Variants in SLC34A2 observed in about 807,000 individuals in gnomAD.
SLC34A2 encodes the protein solute carrier family 34 member 2, also known as sodium-dependent phosphate transport protein 2B.
In SLC34A2, 41 loss-of-function variants were observed where a neutral mutation model predicts 50.8. The observed-to-expected ratio is 0.81, with a 90% CI of 0.63 to 1.05. The LOEUF is 1.05. SLC34A2 is among the 50% of genes least tolerant of loss of function. The pLI is 0.00. For synonymous variants in SLC34A2, 401 were observed against 364.2 expected, an observed-to-expected ratio of 1.10 and a Z score of -1.15; for missense variants, 879 against 876.7, an observed-to-expected ratio of 1.00 and a Z score of -0.03.
intron 12 of SLC34A2, among the ~76,000 whole-genome samples, chr4:25,675,205 G>A (rs1715049457): frequency 6.6e-6 from 1 of 152,052 alleles, no homozygotes. Context: ...CTGATTTTTT[G>A]TATTTTTAGT....
intron 12 of SLC34A2, among the ~76,000 whole-genome samples, chr4:25,675,819 A>T (rs1348773458): frequency 6.6e-6 from 1 of 152,142 alleles, no homozygotes; most frequent in Non-Finnish European, 1.5e-5. Flanking sequence ...GTGAATTTCC[A>T]CCTCTTCCAT....
In SLC34A2 at chr4:25,673,221, G is replaced by A. The variant is rs1176382844; in HGVS notation, c.1183G>A (p.Val395Ile). The change falls in exon 10 of 13, where the codon GTC becomes ATC. Residue 395 changes from valine to isoleucine, a missense_variant. By Grantham distance (29) the Val-to-Ile change is conservative (BLOSUM62 3). Coordinates refer to ENST00000382051, the MANE Select transcript of SLC34A2 (RefSeq NM_006424.3). The stretch of plus-strand genomic sequence containing the variant: ...CCTGGGCTCTGTGCTCAAGGGGCAG[G>A]TCGCCACTGTCATCAAGAAGACCAT... ...KILGSVLKGQVATVIKKTINT... is the reference protein window; with the variant it reads ...KILGSVLKGQIATVIKKTINT... The A allele has an allele frequency of 1.2e-6, 2 of 1,613,980 alleles. No homozygotes were observed. Among genetic ancestry groups the A allele is most frequent in the South Asian group, 2.2e-5 (2 of 91,070 alleles).
intron 1 of SLC34A2, among the ~76,000 whole-genome samples, chr4:25,657,855 A>G (rs1226333046): frequency 6.6e-6 from 1 of 152,198 alleles, no homozygotes; most frequent in African/African-American, 2.4e-5. Flanking sequence ...GGCCTCCCAA[A>G]GTGCTGGGAT....
At chr4:25,674,174 T>C in intron 10 of SLC34A2, 122 bp from the exon 11 acceptor site, 1 of 742,100 alleles carries the variant, frequency 1.3e-6, no homozygotes, top group Non-Finnish European at 2.4e-6. Flanking sequence ...AACTCTACTC[T>C]GTAATCTGAG....
intron 12 of SLC34A2, among the ~76,000 whole-genome samples, chr4:25,675,815 T>C (rs1436829502): frequency 6.6e-6 from 1 of 152,192 alleles, no homozygotes; most frequent in Non-Finnish European, 1.5e-5. Flanking sequence ...GGATGTGAAT[T>C]TCCACCTCTT....
Position 25,662,859 on chromosome 4 carries a change from CT to C in SLC34A2, c.250+18del. On this transcript the variant is annotated intron_variant, in intron 3 of 12. Coordinates refer to ENST00000382051, the MANE Select transcript of SLC34A2 (RefSeq NM_006424.3). ...AGTGGTCAGGTAAAAGTGAGGCCAGCTGAGACATTCAGGAGGGAAACTTCCT... is the reference window on the plus strand; with the variant it reads ...AGTGGTCAGGTAAAAGTGAGGCCAGCGAGACATTCAGGAGGGAAACTTCCT... 1 of 1,613,766 alleles carries C rather than the reference CT, an allele frequency of 6.2e-7. No individual in the cohort carries two copies. The highest frequency in any genetic ancestry group is 8.5e-7 in the Non-Finnish European group (1 of 1,179,776).
chr4:25,676,185 C>G lies in SLC34A2; in HGVS notation c.1509C>G (p.Tyr503Ter). Residue 503 changes from tyrosine to a stop codon, truncating the protein, a stop_gained, in exon 13 of 13, where the codon TAC becomes TAG. Coordinates refer to ENST00000382051, the MANE Select transcript of SLC34A2 (RefSeq NM_006424.3). LOFTEE classifies it low-confidence loss of function (END_TRUNC). ...FFNISGILLWYPIPFTRLPIR... is the reference protein window; with the variant it reads ...FFNISGILLW ...ACATCTCCGGCATCTTGCTGTGGTA[C>G]CCGATCCCGTTCACTCGCCTGCCCA... The G allele has an allele frequency of 6.2e-7, 1 of 1,614,192 alleles. No homozygotes were observed. Among genetic ancestry groups the G allele is most frequent in the Non-Finnish European group, 8.5e-7 (1 of 1,180,046 alleles).
intron 1 of SLC34A2, among the ~76,000 whole-genome samples, chr4:25,658,409 A>G (rs1182853761): frequency 6.6e-6 from 1 of 152,174 alleles, no homozygotes; most frequent in Non-Finnish European, 1.5e-5. Flanking sequence ...CCATTTCTTC[A>G]GATGGCCTTG....
At chr4:25,674,056 A>G (rs1173817643) in intron 10 of SLC34A2, among the ~76,000 whole-genome samples, 1 of 152,036 alleles carries the variant, frequency 6.6e-6, no homozygotes, top group African/African-American at 2.4e-5. Flanking sequence ...TTCTAACCTG[A>G]CCTCCAGGGA....
chr4:25,670,610 C>T (rs543339628), intron 7 of SLC34A2, 128 bp from the exon 8 acceptor site: 40 of 720,454 alleles, frequency 5.6e-5, no homozygotes, highest in South Asian at 4.8e-4. Context: ...GTGAGTCCCA[C>T]TTTGCCTCTC....
chr4:25,660,927 T>C (rs983298173), intron 1 of SLC34A2, among the ~76,000 whole-genome samples: 7 of 152,232 alleles, frequency 4.6e-5, no homozygotes, highest in African/African-American at 1.7e-4. Context: ...TGGACTGCTT[T>C]GTCTAATGGA....
Position 25,662,438 on chromosome 4 carries a change from T to G in SLC34A2, c.-3-60T>G, listed in dbSNP as rs1048897072. On this transcript the variant is annotated intron_variant, in intron 1 of 12. Transcript: ENST00000382051. ...TTGCAACCAATGGTTCTTCCTCTTA[T>G]AGCATCTCGGTGTGCCTCCTTTCCA... is the stretch of plus-strand genomic sequence containing the variant. The G allele has an allele frequency of 2.8e-6, 4 of 1,436,834 alleles. No homozygotes were observed. In the East Asian group the frequency reaches 9.1e-5, roughly 33 times the overall value. 89.0% of individuals were successfully genotyped at this position (1,436,834 alleles called of 1,614,324 possible).
intron 10 of SLC34A2, 61 bp downstream of exon 10, chr4:25,673,315 C>T: frequency 2.0e-6 from 3 of 1,475,486 alleles, no homozygotes; most frequent in Admixed American, 1.7e-5. Flanking sequence ...GTGTGGGGGT[C>T]CTTTAGATTC....
At position 25,673,244 on chromosome 4, in the gene SLC34A2, C is replaced by T; in HGVS notation, c.1206C>T (p.Thr402=). The T allele has an allele frequency of 1.9e-6, 3 of 1,612,898 alleles. No individual in the cohort carries two copies. Among genetic ancestry groups the T allele is most frequent in the South Asian group, 2.2e-5 (2 of 90,972 alleles). Residue 402 remains threonine (T), a synonymous_variant, in exon 10 of 13, where the codon ACC becomes ACT. Transcript: ENST00000382051. ...AGGTCGCCACTGTCATCAAGAAGACCATCAACACTGGTAGGTACACTGCCC... is the reference window on the plus strand; with the variant it reads ...AGGTCGCCACTGTCATCAAGAAGACTATCAACACTGGTAGGTACACTGCCC... ...KGQVATVIKK[T]INTDFPFPFA...
At chr4:25,669,248 G>A (rs1400462058) in intron 6 of SLC34A2, among the ~76,000 whole-genome samples, 1 of 152,148 alleles carries the variant, frequency 6.6e-6, no homozygotes, top group Non-Finnish European at 1.5e-5. Flanking sequence ...CCGCTTTGGG[G>A]ATTTATGATT....
Position 25,676,160 on chromosome 4 carries a change from A to C in SLC34A2, c.1484A>C (p.Asn495Thr). ...LQIALCHFFF[N>T]ISGILLWYPI... Reference sequence around the variant, plus strand: ...ATCGCCCTGTGCCACTTTTTCTTCAACATCTCCGGCATCTTGCTGTGGTAC... The same window carrying C: ...ATCGCCCTGTGCCACTTTTTCTTCACCATCTCCGGCATCTTGCTGTGGTAC... Residue 495 changes from asparagine (N) to threonine (T), a missense_variant, in exon 13 of 13, where the codon AAC becomes ACC. Coordinates refer to ENST00000382051, the MANE Select transcript of SLC34A2 (RefSeq NM_006424.3). The C allele has an allele frequency of 6.2e-7, 1 of 1,613,936 alleles. No individual in the cohort carries two copies. The highest frequency in any genetic ancestry group is 8.5e-7 in the Non-Finnish European group (1 of 1,180,000).
At chr4:25,671,518 C>T in intron 8 of SLC34A2, 83 bp from the exon 9 acceptor site, 1 of 1,574,228 alleles carries the variant, frequency 6.4e-7, no homozygotes, top group Non-Finnish European at 8.7e-7. Flanking sequence ...GGTGTCTGCG[C>T]CTGTTCATTC....
Position 25,662,603 on chromosome 4 carries a change from A to C in SLC34A2, c.103A>C (p.Thr35Pro), listed in dbSNP as rs1452307131. The C allele has an allele frequency of 2.5e-6, 4 of 1,614,070 alleles. No individual in the cohort carries two copies. The South Asian group carries it at 3.3e-5, about 13-fold the overall frequency. Residue 35 changes from threonine to proline, a missense_variant, in exon 2 of 13, where the codon ACC becomes CCC. By Grantham distance (38) the Thr-to-Pro change is conservative. Coordinates refer to ENST00000382051, the MANE Select transcript of SLC34A2 (RefSeq NM_006424.3). Reference protein sequence around the residue: ...QPTAPDKSKETNKTDNTEAPV... With the variant: ...QPTAPDKSKEPNKTDNTEAPV... Reference sequence around the variant, plus strand: ...CACTGCCCCTGATAAAAGCAAAGAGACCAACAAAAGTAAGTGTCGCTCGTT... The same window carrying C: ...CACTGCCCCTGATAAAAGCAAAGAGCCCAACAAAAGTAAGTGTCGCTCGTT...
At position 25,674,413 on chromosome 4, in the gene SLC34A2, G is replaced by A. The variant is rs1460325497; in HGVS notation, c.1333+1G>A. On this transcript the variant is annotated splice_donor_variant, in intron 11 of 12. Transcript: ENST00000382051. LOFTEE classifies it high-confidence loss of function. ...ACGTCGGCCTTGACCCCCCTGATTG[G>A]TGAGTTACACCCTGGCTTCTCCCTC... 1.7e-5 allele frequency: 27 copies of A among 1,614,052 alleles called. No individual in the cohort carries two copies. The highest frequency in any genetic ancestry group is 2.2e-5 in the Non-Finnish European group (26 of 1,180,014).
Sources: gnomAD v4.1 joint callset for allele counts (sites outside exome capture counted in the v4.1 genomes callset) on GRCh38, gnomAD v4.1.1 for gene constraint, MANE v1.5 for transcripts, NCBI Gene and HGNC (gene_info 2026-07-23, HGNC 2026-07-21) for gene names.